The following CPQ variants were observed in gnomAD, a reference collection of about 807,000 sequenced individuals.
CPQ encodes Ser-Met dipeptidase.
A neutral mutation model predicts 45.7 loss-of-function variants in CPQ; 37 were observed. The observed-to-expected ratio is 0.81, with a 90% confidence interval of 0.62 to 1.07. CPQ has a LOEUF of 1.07. Among genes scored for constraint, CPQ ranks in the 50% least tolerant of loss-of-function variants. CPQ has a pLI of 0.00. For missense variants in CPQ, 537 were observed against 572.9 expected, an observed-to-expected ratio of 0.94 and a Z score of 0.64; for synonymous variants, 186 against 205.8, an observed-to-expected ratio of 0.90 and a Z score of 0.82.
intron 3 of CPQ, among the ~76,000 whole-genome samples, chr8:96,855,260 A>G (rs1456519658): frequency 6.6e-6 from 1 of 152,250 alleles, no homozygotes; most frequent in South Asian, 2.1e-4. Context: ...CCTGTGGCCC[A>G]GTCAAGTTGA....
chr8:96,782,541 T>C (rs996066353), intron 1 of CPQ, among the ~76,000 whole-genome samples: 15 of 152,146 alleles, frequency 9.9e-5, no homozygotes, highest in Admixed American at 7.9e-4. Flanking sequence ...ATTTTCTTAT[T>C]GTCTTGATGA....
chr8:96,736,895 C>T (rs181867843), intron 1 of CPQ, among the ~76,000 whole-genome samples: 3 of 152,220 alleles, frequency 2.0e-5, no homozygotes, highest in Admixed American at 1.3e-4. Flanking sequence ...GTCTATTTCA[C>T]CTAAGGAATT....
At chr8:96,799,774 G>A (rs1012857344) in intron 2 of CPQ, among the ~76,000 whole-genome samples, 3 of 152,144 alleles carry the variant, frequency 2.0e-5, no homozygotes, top group African/African-American at 4.8e-5. Flanking sequence ...GATAAGCTCT[G>A]GGAGGTTCAT....
At chr8:97,093,048 C>A (rs1244428274) in intron 7 of CPQ, 1 of 152,016 alleles carries the variant, frequency 6.6e-6, no homozygotes, top group African/African-American at 2.4e-5. Context: ...AGACAAGCAG[C>A]CAACAAACAT....
chr8:96,812,438 G>A lies in CPQ; in HGVS notation c.434-22535G>A, dbSNP rs187754676. ...GGGGCTGTTCATGGAAAAAAATGCT[G>A]TTATTGTATGTCTCTTGCCCCATGC... On this transcript the variant is annotated intron_variant, in intron 2 of 7. Coordinates refer to ENST00000220763, the MANE Select transcript of CPQ (RefSeq NM_016134.4). Among the ~76,000 whole-genome samples, 518 of 152,264 alleles carry A rather than the reference G, an allele frequency of 3.4e-3. 2 individuals carry two copies. The highest frequency in any genetic ancestry group is 0.012 in the African/African-American group (489 of 41,562).
intron 5 of CPQ, among the ~76,000 whole-genome samples, chr8:96,993,765 T>C (rs1397126985): frequency 1.3e-5 from 2 of 152,286 alleles, no homozygotes; most frequent in African/African-American, 4.8e-5. Context: ...CTTCATCAAG[T>C]TAATACATTC....
intron 4 of CPQ, among the ~76,000 whole-genome samples, chr8:96,885,838 A>T (rs533664420): frequency 1.3e-5 from 2 of 152,114 alleles, no homozygotes; most frequent in Non-Finnish European, 2.9e-5. Flanking sequence ...AAATACAAAA[A>T]AAAGTTAGCC....
chr8:96,692,609 C>T (rs1809319375), intron 1 of CPQ, among the ~76,000 whole-genome samples: 1 of 152,294 alleles, frequency 6.6e-6, no homozygotes, highest in Non-Finnish European at 1.5e-5. Context: ...TCCACAGGAG[C>T]CACAGTTTTA....
Position 96,893,732 on chromosome 8 carries a change from A to G in CPQ, c.849+13727A>G, listed in dbSNP as rs570683925. Among the ~76,000 whole-genome samples the G allele has an allele frequency of 4.7e-4, 71 of 152,352 alleles. 1 individual carries two copies. In the South Asian group the frequency reaches 7.9e-3, roughly 17 times the overall value. On this transcript the variant is annotated intron_variant, in intron 4 of 7. Coordinates refer to ENST00000220763, the MANE Select transcript of CPQ (RefSeq NM_016134.4). ...ATTACCTAGAGCCCTGCAATTTTAT[A>G]TAGCATAAAATAAATGCTTTAAGGA...
At chr8:96,695,261 C>T (rs1809360903) in intron 1 of CPQ, among the ~76,000 whole-genome samples, 1 of 147,912 alleles carries the variant, frequency 6.8e-6, no homozygotes, top group Non-Finnish European at 1.5e-5. Flanking sequence ...AACTGGATCC[C>T]TTCCTTACAC....
chr8:96,680,788 G>C (rs1433193304), intron 1 of CPQ, among the ~76,000 whole-genome samples: 1 of 152,162 alleles, frequency 6.6e-6, no homozygotes, highest in Non-Finnish European at 1.5e-5. Context: ...GAGACTTGTT[G>C]AATAGCCTTG....
At chr8:97,088,678 C>G (rs1413898744) in intron 7 of CPQ, among the ~76,000 whole-genome samples, 3 of 152,182 alleles carry the variant, frequency 2.0e-5, no homozygotes, top group Non-Finnish European at 4.4e-5. Flanking sequence ...CCCTCACTCT[C>G]TGTGTTGTCT....
chr8:96,913,285 A>G (rs1339457208), intron 4 of CPQ, among the ~76,000 whole-genome samples: 1 of 152,176 alleles, frequency 6.6e-6, no homozygotes, highest in Non-Finnish European at 1.5e-5. Flanking sequence ...TACAACACAT[A>G]TGGTCCTTTG....
At chr8:96,980,094 A>G (rs1463877373) in intron 5 of CPQ, among the ~76,000 whole-genome samples, 1 of 152,096 alleles carries the variant, frequency 6.6e-6, no homozygotes, top group Admixed American at 6.6e-5. Context: ...TGTGCTATCT[A>G]GTAGTTGTAT....
At chr8:96,762,627 C>T (rs1810418910) in intron 1 of CPQ, among the ~76,000 whole-genome samples, 1 of 152,164 alleles carries the variant, frequency 6.6e-6, no homozygotes, top group South Asian at 2.1e-4. Context: ...CTCTGCCCCA[C>T]TTCCCAAGAA....
chr8:96,814,093 ACGTAT>A (rs1307191207), intron 2 of CPQ, among the ~76,000 whole-genome samples: 3 of 152,076 alleles, frequency 2.0e-5, no homozygotes, highest in African/African-American at 7.2e-5. Flanking sequence ...TGAACAAATA[ACGTAT>A]TTTGGGGGGC....
intron 7 of CPQ, among the ~76,000 whole-genome samples, chr8:97,071,213 A>G (rs373921364): frequency 4.6e-5 from 7 of 152,190 alleles, no homozygotes; most frequent in African/African-American, 9.6e-5. Flanking sequence ...ATGTAGGCAA[A>G]CAGTGTAATT....
chr8:96,821,774 T>A (rs1811311056), intron 2 of CPQ, among the ~76,000 whole-genome samples: 1 of 151,992 alleles, frequency 6.6e-6, no homozygotes. Context: ...GTTTTACAGT[T>A]TTAAAAATTA....
chr8:96,771,776 T>C (rs984762782), intron 1 of CPQ, among the ~76,000 whole-genome samples: 11 of 152,290 alleles, frequency 7.2e-5, no homozygotes, highest in African/African-American at 2.4e-4. Flanking sequence ...TTCTCCTCCC[T>C]AATTTTATGC....
Sources: gnomAD v4.1 joint callset for allele counts (sites outside exome capture counted in the v4.1 genomes callset) on GRCh38, gnomAD v4.1.1 for gene constraint, MANE v1.5 for transcripts, NCBI Gene and HGNC (gene_info 2026-07-23, HGNC 2026-07-21) for gene names.